The following KIAA1328 variants were observed in gnomAD, a reference collection of about 807,000 sequenced individuals.
The protein encoded by KIAA1328 is protein hinderin.
KIAA1328 carries 52 observed loss-of-function variants against 68.1 expected under a neutral mutation model. The ratio of observed to expected loss-of-function variants is 0.76; its 90% confidence interval spans 0.61 to 0.96. The LOEUF (loss-of-function observed/expected upper bound fraction) is 0.96, where lower values mean the gene tolerates loss of function less well. Ranked by LOEUF, KIAA1328 falls within the 40% of genes least tolerant of loss-of-function variation. KIAA1328 has a pLI of 0.00. For missense variants in KIAA1328, 641 were observed against 677.6 expected (o/e 0.95, Z 0.60); for synonymous variants, 232 against 239.4 (o/e 0.97, Z 0.28).
At chr18:36,891,822 C>A (rs1018713643) in intron 5 of KIAA1328, among the ~76,000 whole-genome samples, 2 of 151,982 alleles carry the variant, frequency 1.3e-5, no homozygotes, top group African/African-American at 4.8e-5. Flanking sequence ...GGGTGGATAC[C>A]CAGTAGTGGG....
At chr18:36,926,383 CTATTTATTTATTTATTTATT>C (rs72299711) in intron 5 of KIAA1328, among the ~76,000 whole-genome samples, 2 of 147,024 alleles carry the variant, frequency 1.4e-5, no homozygotes, top group African/African-American at 2.5e-5. Flanking sequence ...CTCTCTCTCT[CTATTTATTTATTTATTTATT>C]TATTTATTTA....
At chr18:37,026,530 C>T (rs1032342890) in intron 6 of KIAA1328, among the ~76,000 whole-genome samples, 3 of 152,154 alleles carry the variant, frequency 2.0e-5, no homozygotes, top group African/African-American at 7.2e-5. Flanking sequence ...CCACCATGAC[C>T]AAGTGGTCTT....
chr18:37,159,258 G>C (rs2059223796), intron 7 of KIAA1328, among the ~76,000 whole-genome samples: 2 of 152,144 alleles, frequency 1.3e-5, no homozygotes, highest in African/African-American at 4.8e-5. Context: ...TATGTGATTT[G>C]AATCCTGGTC....
At chr18:36,910,553 C>T (rs1008591790) in intron 5 of KIAA1328, among the ~76,000 whole-genome samples, 5 of 152,006 alleles carry the variant, frequency 3.3e-5, no homozygotes, top group East Asian at 1.9e-4. Flanking sequence ...AGTCAGGTAG[C>T]GTGATGCCTC....
chr18:37,143,326 G>A (rs2058815672), intron 7 of KIAA1328, among the ~76,000 whole-genome samples: 2 of 151,982 alleles, frequency 1.3e-5, no homozygotes, highest in Admixed American at 1.3e-4. Flanking sequence ...CACATTTTTT[G>A]TGGAATTTAA....
rs773416593 is a variant in KIAA1328, at chr18:37,222,097, A to G, written c.1604A>G (p.Glu535Gly). 1 of 1,613,708 alleles carries G rather than the reference A, an allele frequency of 6.2e-7. No individual in the cohort carries two copies. Among genetic ancestry groups the G allele is most frequent in the Admixed American group, 1.7e-5 (1 of 60,000 alleles). ...AAACCTCAGCGCTATCCCTCCAGAG[A>G]AGCTGGGGCCTGGAATCATGGTACT... ...APKPQRYPSR[E>G]AGAWNHGTFR... Residue 535 changes from glutamate (E) to glycine (G), a missense_variant, in exon 10 of 10, where the codon GAA (glutamate) becomes GGA (glycine). Physicochemically the swap from Glu to Gly is moderately conservative, Grantham distance 98 (BLOSUM62 -2). Transcript: ENST00000280020.
rs78430994 is a variant in KIAA1328, at chr18:37,096,022, G to A, written c.1232+28477G>A. Among the ~76,000 whole-genome samples, 155 of 151,774 alleles carry A rather than the reference G, an allele frequency of 1.0e-3. 3 individuals carry two copies. In the East Asian group the frequency reaches 0.024, roughly 23 times the overall value. The stretch of plus-strand genomic sequence containing the variant: ...AGCCTCCCAAACAAAATTAAGGCCC[G>A]AACTGGGTGGCTTTACTGCTGTATT... On this transcript the variant is annotated intron_variant, in intron 7 of 9. Transcript: ENST00000280020.
At chr18:37,189,831 C>T (rs2059871827) in intron 9 of KIAA1328, among the ~76,000 whole-genome samples, 1 of 152,136 alleles carries the variant, frequency 6.6e-6, no homozygotes, top group African/African-American at 2.4e-5. Flanking sequence ...TTCTTTGGGA[C>T]AATTGCAGTG....
intron 5 of KIAA1328, among the ~76,000 whole-genome samples, chr18:36,888,813 G>T (rs1187520225): frequency 6.6e-6 from 1 of 152,014 alleles, no homozygotes; most frequent in African/African-American, 2.4e-5. Context: ...TTTAACTACA[G>T]ATACATTTAC....
At chr18:37,185,851 T>C (rs915026757) in intron 9 of KIAA1328, among the ~76,000 whole-genome samples, 1 of 152,124 alleles carries the variant, frequency 6.6e-6, no homozygotes, top group Non-Finnish European at 1.5e-5. Context: ...AGCTTACTTT[T>C]TCTTTATTTC....
chr18:37,127,599 G>A (rs2058423547), intron 7 of KIAA1328, among the ~76,000 whole-genome samples: 1 of 152,200 alleles, frequency 6.6e-6, no homozygotes, highest in East Asian at 1.9e-4. Context: ...TGAATAAATG[G>A]AGAGCAATGC....
At chr18:36,875,609 G>A (rs2048094013) in intron 4 of KIAA1328, among the ~76,000 whole-genome samples, 1 of 152,184 alleles carries the variant, frequency 6.6e-6, no homozygotes, top group African/African-American at 2.4e-5. Flanking sequence ...CCTGTCATCT[G>A]CAAACAGAGA....
chr18:37,176,960 A>G (rs1327029935), intron 9 of KIAA1328, among the ~76,000 whole-genome samples: 2 of 152,240 alleles, frequency 1.3e-5, no homozygotes, highest in African/African-American at 4.8e-5. Context: ...AGAAGTAATG[A>G]TAATTAGCAA....
rs1213198366 is a variant in KIAA1328 at position 36,943,174 on chromosome 18, C to T, written c.449-16134C>T. Among the ~76,000 whole-genome samples the T allele has an allele frequency of 8.5e-5, 13 of 152,148 alleles. No individual in the cohort carries two copies. The East Asian group carries it at 2.5e-3, about 29-fold the overall frequency. ...GAATGTCATATATTATAAATAGTAC[C>T]TAACCCTTGCTATAATGATTGCTGT... On this transcript the variant is annotated intron_variant, in intron 5 of 9. Coordinates refer to ENST00000280020, the MANE Select transcript of KIAA1328 (RefSeq NM_020776.3).
At position 36,877,350 on chromosome 18, in the gene KIAA1328, G is replaced by A. The variant is rs183284139; in HGVS notation, c.333-8207G>A. ...CTAAGAACTTGCTTTATGAATGTAG[G>A]TGCTCCTGTATTGGGTGCATATATA... On this transcript the variant is annotated intron_variant, in intron 4 of 9. Coordinates refer to ENST00000280020, the MANE Select transcript of KIAA1328 (RefSeq NM_020776.3). 1.1e-3 allele frequency among the ~76,000 whole-genome samples: 175 copies of A among 152,180 alleles called. 4 individuals carry two copies. The highest frequency in any genetic ancestry group is 1.0e-4 in the Non-Finnish European group (7 of 68,014).
chr18:36,934,215 T>G (rs2050417399), intron 5 of KIAA1328, among the ~76,000 whole-genome samples: 1 of 152,136 alleles, frequency 6.6e-6, no homozygotes, highest in African/African-American at 2.4e-5. Context: ...CTCCTCACTC[T>G]TGGTATCTGT....
intron 6 of KIAA1328, among the ~76,000 whole-genome samples, chr18:37,028,453 T>C (rs2054684911): frequency 6.6e-6 from 1 of 152,068 alleles, no homozygotes; most frequent in Non-Finnish European, 1.5e-5. Flanking sequence ...TTTCTAGATA[T>C]AAAAACATAT....
chr18:37,060,001 C>T (rs939389673), intron 6 of KIAA1328, among the ~76,000 whole-genome samples: 2 of 151,382 alleles, frequency 1.3e-5, no homozygotes, highest in African/African-American at 2.4e-5. Context: ...CACACTGGGG[C>T]CTGTTGGGGG....
At chr18:37,144,754 C>G (rs2058856943) in intron 7 of KIAA1328, among the ~76,000 whole-genome samples, 1 of 151,868 alleles carries the variant, frequency 6.6e-6, no homozygotes. Context: ...GGTCTTGAAC[C>G]CCTGGTTTGA....
Sources: gnomAD v4.1 joint callset for allele counts (sites outside exome capture counted in the v4.1 genomes callset) on GRCh38, gnomAD v4.1.1 for gene constraint, MANE v1.5 for transcripts, NCBI Gene and HGNC (gene_info 2026-07-23, HGNC 2026-07-21) for gene names.